CENPN: variants seen among roughly 807,000 people sequenced by gnomAD.
CENPN encodes interphase centromere complex protein 32.
In CENPN, 36 loss-of-function variants were observed where a neutral mutation model predicts 48.6. The observed-to-expected ratio is 0.74, with a 90% CI of 0.57 to 0.98. The LOEUF (loss-of-function observed/expected upper bound fraction) is 0.98. Among genes scored for constraint, CENPN ranks in the 50% least tolerant of loss-of-function variants. CENPN has a pLI of 0.00. For missense variants in CENPN, 439 were observed against 399.2 expected (o/e 1.10, Z -0.85); for synonymous variants, 166 against 135.2 (o/e 1.23, Z -1.58).
At chr16:81,014,095 C>T (rs1969845721) in intron 2 of CENPN, 41 bp from the exon 3 acceptor site, 1 of 1,563,756 alleles carries the variant, frequency 6.4e-7, no homozygotes, top group Admixed American at 1.7e-5. Flanking sequence ...TAGAACCAAA[C>T]CTATAACCAC....
At chr16:81,014,271 G>A (rs1969852614) in intron 3 of CENPN, 90 bp downstream of exon 3, 3 of 1,117,648 alleles carry the variant, frequency 2.7e-6, no homozygotes, top group Non-Finnish European at 4.1e-6. Flanking sequence ...GTCTCCCTCT[G>A]TCGCCCAGGC....
At chr16:81,008,822 G>A (rs1038794204) in intron 1 of CENPN, among the ~76,000 whole-genome samples, 2 of 152,204 alleles carry the variant, frequency 1.3e-5, no homozygotes, top group South Asian at 4.1e-4. Flanking sequence ...TAGGAGTATA[G>A]CTGTGAATAA....
At chr16:81,010,256 G>C (rs572696441) in intron 1 of CENPN, among the ~76,000 whole-genome samples, 4 of 152,310 alleles carry the variant, frequency 2.6e-5, no homozygotes, top group Middle Eastern at 3.4e-3. Flanking sequence ...TATTTGAAGA[G>C]AGAGAGAGAG....
chr16:81,016,719 A>G (rs9937625), intron 3 of CENPN: 2,207 of 152,910 alleles, frequency 0.014, 42 homozygotes, highest in African/African-American at 0.049. Context: ...CTGAGATTGC[A>G]CTATTGCACT....
chr16:81,013,418 A>G (rs1347555509), intron 2 of CENPN, among the ~76,000 whole-genome samples: 1 of 152,188 alleles, frequency 6.6e-6, no homozygotes, highest in Non-Finnish European at 1.5e-5. Flanking sequence ...AGTGGAAGGA[A>G]GTGGGCGGTG....
chr16:81,009,403 ATTAT>A (rs1490897157), intron 1 of CENPN, among the ~76,000 whole-genome samples: 2 of 152,132 alleles, frequency 1.3e-5, no homozygotes, highest in African/African-American at 4.8e-5. Context: ...TTCTCTAGAG[ATTAT>A]TTAAGAGACT....
At chr16:81,021,897 A>G (rs1192981693) in intron 6 of CENPN, among the ~76,000 whole-genome samples, 1 of 151,968 alleles carries the variant, frequency 6.6e-6, no homozygotes, top group East Asian at 1.9e-4. Context: ...TGGGACTACA[A>G]GCACTCACCA....
At chr16:81,022,938 T>A in intron 7 of CENPN, 1 of 1,493,452 alleles carries the variant, frequency 6.7e-7, no homozygotes, top group Non-Finnish European at 9.0e-7. Context: ...GTTGTAGATC[T>A]CAGCTTCCAA....
In CENPN at chr16:81,030,262, C is replaced by A; in HGVS notation, c.*1611C>A. The stretch of plus-strand genomic sequence containing the variant: ...ATGTCTTTTTTAAACATTTTAAAAT[C>A]TATTCTTTATCTTGTTTCAGAGAGG... On this transcript the variant is annotated 3_prime_UTR_variant, in exon 11 of 11. Coordinates refer to ENST00000305850, the MANE Select transcript of CENPN (RefSeq NM_001100624.3). The A allele has an allele frequency of 1.0e-6, 1 of 985,418 alleles. No homozygotes were observed. The highest frequency in any genetic ancestry group is 1.2e-6 in the Non-Finnish European group (1 of 829,928). The allele number at this position is 985,418 out of a possible 1,614,324, so 61.0% of individuals were successfully genotyped here. A position where few individuals can be genotyped will look rare whatever the true frequency, so the allele number is the denominator to read the frequency against.
At chr16:81,014,302 T>G in intron 3 of CENPN, 121 bp downstream of exon 3, 1 of 760,274 alleles carries the variant, frequency 1.3e-6, no homozygotes, top group Non-Finnish European at 2.3e-6. Flanking sequence ...TAACGCCATC[T>G]CAGCTCACCG....
At chr16:81,008,406 T>C (rs911467818) in intron 1 of CENPN, among the ~76,000 whole-genome samples, 4 of 152,068 alleles carry the variant, frequency 2.6e-5, no homozygotes, top group African/African-American at 7.2e-5. Context: ...GAGTCTTGCT[T>C]TGTCGCCCAT....
At chr16:81,020,982 C>G (rs186909405) in intron 6 of CENPN, among the ~76,000 whole-genome samples, 5 of 151,770 alleles carry the variant, frequency 3.3e-5, no homozygotes, top group African/African-American at 1.2e-4. Context: ...ATCCCAGTTA[C>G]TTGGGAGGCT....
intron 1 of CENPN, among the ~76,000 whole-genome samples, chr16:81,010,444 C>T (rs1453435609): frequency 6.6e-6 from 1 of 152,172 alleles, no homozygotes; most frequent in Non-Finnish European, 1.5e-5. Context: ...GGGAGGCACA[C>T]CAGATTTGGG....
intron 1 of CENPN, chr16:81,007,581 C>G (rs1396878549): frequency 2.0e-5 from 3 of 152,470 alleles, no homozygotes; most frequent in African/African-American, 7.2e-5. Context: ...CTCTACGATC[C>G]TGGGGTTGCT....
Position 81,014,182 on chromosome 16 carries a change from G to C in CENPN, c.217+1G>C. On this transcript the variant is annotated splice_donor_variant, in intron 3 of 10. Transcript: ENST00000305850. LOFTEE classifies it high-confidence loss of function. ...GATGCTGCCCTGTTAGACATCATTT[G>C]TAAGTGTCAGTGATTTGTATTTATA... 1 of 1,611,876 alleles carries C rather than the reference G, an allele frequency of 6.2e-7. No individual in the cohort carries two copies. The highest frequency in any genetic ancestry group is 8.5e-7 in the Non-Finnish European group (1 of 1,178,154).
intron 9 of CENPN, among the ~76,000 whole-genome samples, chr16:81,027,202 A>G (rs1970541121): frequency 6.6e-6 from 1 of 152,194 alleles, no homozygotes; most frequent in African/African-American, 2.4e-5. Flanking sequence ...AGTTAAAAAG[A>G]TATCTCAGTT....
At chr16:81,026,047 A>G (rs1208560793) in intron 8 of CENPN, among the ~76,000 whole-genome samples, 1 of 126,182 alleles carries the variant, frequency 7.9e-6, no homozygotes, top group Non-Finnish European at 1.6e-5. Context: ...GCTGGGTGCC[A>G]TGGAGATATA....
chr16:81,031,706 A>G (rs1337398437), downstream of CENPN, among the ~76,000 whole-genome samples: 4 of 151,984 alleles, frequency 2.6e-5, no homozygotes, highest in African/African-American at 9.7e-5. Flanking sequence ...TCTTTATCCA[A>G]CGTCCTTGGT....
chr16:81,032,567 TAG>T, downstream of CENPN: 2 of 1,585,452 alleles, frequency 1.3e-6, no homozygotes, highest in East Asian at 4.5e-5. Context: ...TTTTTTTTTT[TAG>T]CACTTGTTTG....
Sources: gnomAD v4.1 joint callset for allele counts (sites outside exome capture counted in the v4.1 genomes callset) on GRCh38, gnomAD v4.1.1 for gene constraint, MANE v1.5 for transcripts, NCBI Gene and HGNC (gene_info 2026-07-23, HGNC 2026-07-21) for gene names.